The following COBL variants were observed in gnomAD, a reference collection of about 807,000 sequenced individuals.
COBL encodes protein cordon-bleu.
COBL carries 51 observed loss-of-function variants against 98.8 expected under a neutral mutation model. The observed-to-expected ratio is 0.52, with a 90% CI of 0.41 to 0.65. COBL has a LOEUF of 0.65. Ranked by LOEUF, COBL falls within the 30% of genes least tolerant of loss-of-function variation. The pLI is 0.00. For synonymous variants in COBL, 634 were observed against 651.7 expected, an observed-to-expected ratio of 0.97 and a Z score of 0.41; for missense variants, 1,617 against 1,617.5, an observed-to-expected ratio of 1.00 and a Z score of 0.01.
chr7:51,174,745 C>T (rs1011385510), intron 5 of COBL, among the ~76,000 whole-genome samples: 38 of 152,206 alleles, frequency 2.5e-4, no homozygotes, highest in Non-Finnish European at 5.1e-4. Flanking sequence ...TTGTATCAGC[C>T]CACTCCTTGT....
At chr7:51,026,481 T>C (rs1421943199) in intron 11 of COBL, 65 bp downstream of exon 11, 1 of 1,586,486 alleles carries the variant, frequency 6.3e-7, no homozygotes, top group African/African-American at 1.3e-5. Flanking sequence ...ACCACCCAAG[T>C]GCCTCGGAAG....
rs768511079 is a variant in COBL, at chr7:51,025,079, A to G, written c.3768+30T>C. 1.4e-5 allele frequency: 22 copies of G among 1,611,666 alleles called. No individual in the cohort carries two copies. The East Asian group carries it at 4.7e-4, about 34-fold the overall frequency. ...GCTGCACCTCCAACCCTCTGGCCCCATTGAAATGCGCACACACAGTCGCCA... is the reference window on the plus strand; with the variant it reads ...GCTGCACCTCCAACCCTCTGGCCCCGTTGAAATGCGCACACACAGTCGCCA... On this transcript the variant is annotated intron_variant, in intron 12 of 12. Transcript: ENST00000265136.
chr7:51,274,434 T>C (rs1186352072), intron 1 of COBL, among the ~76,000 whole-genome samples: 1 of 152,244 alleles, frequency 6.6e-6, no homozygotes. Flanking sequence ...AACAGGCTCC[T>C]GACTGCATTC....
chr7:51,022,368 G>A (rs999605), intron 12 of COBL, among the ~76,000 whole-genome samples: 35,651 of 152,156 alleles, frequency 0.23, 5,397 homozygotes, highest in African/African-American at 0.42. Context: ...GGCTGAGACT[G>A]TGCGAGAAAC....
chr7:51,271,519 C>T lies in COBL; in HGVS notation c.41+45074G>A, dbSNP rs117508847. On this transcript the variant is annotated intron_variant, in intron 1 of 12. Transcript: ENST00000265136. The stretch of plus-strand genomic sequence containing the variant: ...TTAATTTTACAGAAGGTAATGGGTG[C>T]ACAGAGAAAGCGTAGCATGAGTCTC... Among the ~76,000 whole-genome samples the T allele has an allele frequency of 3.6e-3, 552 of 152,260 alleles. 1 individual carries two copies. Among genetic ancestry groups the T allele is most frequent in the Non-Finnish European group, 5.9e-3 (398 of 68,028 alleles).
At chr7:51,246,054 T>A (rs1394721570) in intron 1 of COBL, among the ~76,000 whole-genome samples, 2 of 152,206 alleles carry the variant, frequency 1.3e-5, no homozygotes, top group Non-Finnish European at 2.9e-5. Context: ...TGTCATTTAT[T>A]TTTAAGTAGA....
chr7:51,153,305 T>A lies in COBL; in HGVS notation c.784-16974A>T, dbSNP rs185906437. On this transcript the variant is annotated intron_variant, in intron 5 of 12. Coordinates refer to ENST00000265136, the MANE Select transcript of COBL (RefSeq NM_015198.5). ...GTTAATTTTGCTTTATTGTTACCAA[T>A]TAATTATTACTGATAATTAAAGATA... Among the ~76,000 whole-genome samples, 88 of 151,002 alleles carry A rather than the reference T, an allele frequency of 5.8e-4. 2 individuals carry two copies. Among genetic ancestry groups the A allele is most frequent in the East Asian group, 3.9e-4 (2 of 5,188 alleles).
intron 5 of COBL, among the ~76,000 whole-genome samples, chr7:51,142,428 G>C (rs1799856496): frequency 6.9e-6 from 1 of 145,494 alleles, no homozygotes; most frequent in Non-Finnish European, 1.5e-5. Context: ...CTGTCACCCA[G>C]GCCGGAGTGC....
At chr7:51,172,646 C>T in intron 5 of COBL, 1 of 541,920 alleles carries the variant, frequency 1.8e-6, no homozygotes, top group Non-Finnish European at 2.8e-6. Context: ...GCAAACCCTT[C>T]ACTTAATAGG....
At chr7:51,071,146 T>A (rs1792507803) in intron 7 of COBL, 1 of 152,178 alleles carries the variant, frequency 6.6e-6, no homozygotes, top group Admixed American at 6.5e-5. Flanking sequence ...TGAGCTACCA[T>A]CTTTTGTGGA....
chr7:51,227,136 C>T (rs994717716), intron 1 of COBL, among the ~76,000 whole-genome samples: 4 of 152,108 alleles, frequency 2.6e-5, no homozygotes, highest in Non-Finnish European at 5.9e-5. Flanking sequence ...GGCTGATGAG[C>T]GGTGAGGTTA....
chr7:51,105,458 A>C (rs149380499), intron 6 of COBL, among the ~76,000 whole-genome samples: 140 of 152,282 alleles, frequency 9.2e-4, no homozygotes, highest in African/African-American at 3.2e-3. Flanking sequence ...TGTAAGAATT[A>C]AATGAGTTGG....
At chr7:51,156,832 C>A (rs1786196478) in intron 5 of COBL, among the ~76,000 whole-genome samples, 1 of 152,118 alleles carries the variant, frequency 6.6e-6, no homozygotes, top group African/African-American at 2.4e-5. Context: ...TCCTTCCTCT[C>A]CCCCTTAAAC....
intron 5 of COBL, among the ~76,000 whole-genome samples, chr7:51,148,178 T>C (rs1785220754): frequency 6.6e-6 from 1 of 152,142 alleles, no homozygotes; most frequent in South Asian, 2.1e-4. Context: ...GAGAGTCTCT[T>C]TGAAGAGGAA....
chr7:51,221,847 T>C (rs990393318), intron 1 of COBL, among the ~76,000 whole-genome samples: 24 of 152,220 alleles, frequency 1.6e-4, no homozygotes, highest in African/African-American at 5.5e-4. Flanking sequence ...CTTACTGACA[T>C]TCATGTCACT....
intron 7 of COBL, among the ~76,000 whole-genome samples, chr7:51,074,590 A>G (rs931152771): frequency 5.9e-5 from 9 of 152,372 alleles, no homozygotes; most frequent in African/African-American, 2.2e-4. Context: ...GTTCTTCAAC[A>G]TGGTTTTTAT....
At chr7:51,102,706 T>C (rs1795911467) in intron 6 of COBL, among the ~76,000 whole-genome samples, 1 of 152,236 alleles carries the variant, frequency 6.6e-6, no homozygotes, top group South Asian at 2.1e-4. Flanking sequence ...ATGAGCAGGA[T>C]TCAGCACCTT....
At chr7:51,192,700 T>C (rs899907071) in intron 3 of COBL, among the ~76,000 whole-genome samples, 40 of 152,238 alleles carry the variant, frequency 2.6e-4, no homozygotes, top group African/African-American at 9.4e-4. Flanking sequence ...GCTATGTATA[T>C]AAGATATTCT....
In COBL at chr7:51,112,156, A is replaced by C. The variant is rs563734501; in HGVS notation, c.957+24002T>G. 6.6e-5 allele frequency among the ~76,000 whole-genome samples: 10 copies of C among 152,362 alleles called. 1 individual carries two copies. The South Asian group carries it at 2.1e-3, about 32-fold the overall frequency. On this transcript the variant is annotated intron_variant, in intron 6 of 12. Coordinates refer to ENST00000265136, the MANE Select transcript of COBL (RefSeq NM_015198.5). ...GAAACAATTTAATGGTTGCAAAAGC[A>C]TAAGAGAGGAGAAACTAGAATGCCA...
Sources: allele counts gnomAD v4.1 joint callset (sites outside exome capture counted in the v4.1 genomes callset), GRCh38; gene constraint gnomAD v4.1.1; transcripts MANE v1.5; gene names NCBI Gene and HGNC (gene_info 2026-07-23, HGNC 2026-07-21).